Variants in HGF observed in about 807,000 individuals in gnomAD.
HGF encodes the protein hepatocyte growth factor, also known as fibroblast-derived tumor cytotoxic factor.
HGF carries 39 observed loss-of-function variants against 111.6 expected under a neutral mutation model. That is an observed-to-expected ratio of 0.35 (90% CI 0.27 to 0.46). The LOEUF (loss-of-function observed/expected upper bound fraction) is 0.46. Ranked by LOEUF, HGF falls within the 20% of genes least tolerant of loss-of-function variation. The pLI, the probability that HGF is intolerant of heterozygous loss-of-function variation, is 1.00. For missense variants in HGF, 735 were observed against 910.5 expected (o/e 0.81, Z 2.48); for synonymous variants, 285 against 294.8 (o/e 0.97, Z 0.34).
intron 4 of HGF, chr7:81,756,251 A>C: frequency 1.8e-6 from 1 of 554,788 alleles, no homozygotes; most frequent in Non-Finnish European, 3.2e-6. Flanking sequence ...ATGTAGGTAA[A>C]ATAGAACCAA....
intron 5 of HGF, among the ~76,000 whole-genome samples, chr7:81,748,428 A>T (rs370148118): frequency 2.1e-4 from 32 of 152,332 alleles, no homozygotes; most frequent in African/African-American, 7.7e-4. Context: ...CAAGTTAGTC[A>T]TAAGAATTAT....
chr7:81,710,109 A>C, intron 13 of HGF, 38 bp downstream of exon 13: 4 of 1,320,688 alleles, frequency 3.0e-6, no homozygotes, highest in Non-Finnish European at 4.4e-6. Flanking sequence ...TCTTGTACAT[A>C]TTCTGGATAT....
At chr7:81,712,801 A>C (rs185024930) in intron 11 of HGF, among the ~76,000 whole-genome samples, 1 of 152,346 alleles carries the variant, frequency 6.6e-6, no homozygotes, top group African/African-American at 2.4e-5. Flanking sequence ...AATAGATGCC[A>C]ATGTGATTGT....
At chr7:81,762,911 A>G (rs745592143) in intron 1 of HGF, 39 bp from the exon 2 acceptor site, 9 of 1,219,182 alleles carry the variant, frequency 7.4e-6, no homozygotes, top group Non-Finnish European at 1.1e-5. Context: ...TAAACATTGG[A>G]GAAATGTTTT....
chr7:81,724,069 A>G (rs1257975534), intron 9 of HGF, among the ~76,000 whole-genome samples: 2 of 152,188 alleles, frequency 1.3e-5, no homozygotes, highest in East Asian at 3.8e-4. Context: ...AGTGACGTAT[A>G]TGTATATAAA....
intron 15 of HGF, 107 bp from the exon 16 acceptor site, chr7:81,705,860 T>G: frequency 3.2e-6 from 2 of 621,510 alleles, no homozygotes; most frequent in African/African-American, 2.7e-5. Flanking sequence ...GAGAATGAAG[T>G]CCTGTTTCTT....
Position 81,708,051 on chromosome 7 carries a change from A to AT in HGF, c.1542-688dup, listed in dbSNP as rs1025825084. 5.3e-5 allele frequency among the ~76,000 whole-genome samples: 8 copies of AT among 151,720 alleles called. No homozygotes were observed. In the East Asian group the frequency reaches 7.7e-4, roughly 15 times the overall value. On this transcript the variant is annotated intron_variant, in intron 13 of 17. Transcript: ENST00000222390. ...GATGATATCCAAAATCTGTAAATCC[A>AT]TTTTTTTTGGCAGAGACATGGAAAA...
intron 7 of HGF, among the ~76,000 whole-genome samples, chr7:81,732,858 C>G (rs927018080): frequency 6.6e-6 from 1 of 152,066 alleles, no homozygotes; most frequent in South Asian, 2.1e-4. Context: ...ATTACCAAAA[C>G]CCCAAGTCAA....
intron 7 of HGF, among the ~76,000 whole-genome samples, chr7:81,741,658 G>T (rs1394618227): frequency 6.6e-6 from 1 of 151,416 alleles, no homozygotes; most frequent in East Asian, 1.9e-4. Flanking sequence ...ACCTAAACCG[G>T]CCAGGCCTGG....
chr7:81,769,875 G>A lies in HGF; in HGVS notation c.88+9C>T, dbSNP rs199638850. 8 of 1,552,328 alleles carry A rather than the reference G, an allele frequency of 5.2e-6. No individual in the cohort carries two copies. The East Asian group carries it at 1.7e-4, about 33-fold the overall frequency. On this transcript the variant is annotated intron_variant, in intron 1 of 17. Coordinates refer to ENST00000222390, the MANE Select transcript of HGF (RefSeq NM_000601.6). The stretch of plus-strand genomic sequence containing the variant: ...AATACTAATAATGAAGAAGAAGAAG[G>A]GAACTAACCTGCATAGGGGATGGCG...
At chr7:81,757,331 G>T (rs1240340579) in intron 3 of HGF, 28 bp from the exon 4 acceptor site, 1 of 1,179,470 alleles carries the variant, frequency 8.5e-7, no homozygotes, top group Non-Finnish European at 1.3e-6. Context: ...TAAAATTATT[G>T]CAACTATGCA....
At chr7:81,718,711 G>A (rs1032724130) in intron 10 of HGF, among the ~76,000 whole-genome samples, 5 of 152,098 alleles carry the variant, frequency 3.3e-5, no homozygotes, top group African/African-American at 1.2e-4. Context: ...TGTACGGTGA[G>A]GATGAAGATG....
intron 4 of HGF, among the ~76,000 whole-genome samples, chr7:81,753,062 G>A (rs1788583178): frequency 6.6e-6 from 1 of 152,078 alleles, no homozygotes; most frequent in Non-Finnish European, 1.5e-5. Context: ...CATTTTGACT[G>A]ACTGGAGCTT....
At chr7:81,750,162 G>A (rs952363568) in intron 5 of HGF, among the ~76,000 whole-genome samples, 1 of 151,976 alleles carries the variant, frequency 6.6e-6, no homozygotes, top group East Asian at 1.9e-4. Flanking sequence ...GATTTTATAA[G>A]TCACTCTTTT....
intron 7 of HGF, chr7:81,742,661 A>C (rs1039664985): frequency 1.6e-6 from 2 of 1,241,018 alleles, no homozygotes; most frequent in Non-Finnish European, 2.1e-6. Flanking sequence ...GAGAGGACCA[A>C]GTTCACAGAT....
rs1789315119 is a variant in HGF, at chr7:81,702,737, A to C, written c.2031T>G (p.Leu677=). ...TTCTCATTTTATGTTGCTCACAAACAAGTGGGCCACCATAATCCCCCTAGG... is the reference window on the plus strand; with the variant it reads ...TTCTCATTTTATGTTGCTCACAAACCAGTGGGCCACCATAATCCCCCTAGG... The part of the protein sequence containing the change: ...GPCEGDYGGP[L]VCEQHKMRMV... Residue 677 remains leucine (L), a synonymous_variant, in exon 18 of 18, where the codon CTT becomes CTG. Transcript: ENST00000222390. 3 of 1,611,528 alleles carry C rather than the reference A, an allele frequency of 1.9e-6. No individual in the cohort carries two copies. Among genetic ancestry groups the C allele is most frequent in the Non-Finnish European group, 2.5e-6 (3 of 1,178,240 alleles).
intron 4 of HGF, among the ~76,000 whole-genome samples, chr7:81,753,096 A>T (rs1788585043): frequency 6.6e-6 from 1 of 152,080 alleles, no homozygotes; most frequent in South Asian, 2.1e-4. Flanking sequence ...TTGGTTTATA[A>T]TAGTAAGCCA....
intron 1 of HGF, among the ~76,000 whole-genome samples, chr7:81,766,324 C>T (rs1789355227): frequency 6.6e-6 from 1 of 152,066 alleles, no homozygotes; most frequent in African/African-American, 2.4e-5. Context: ...GAAACCTATC[C>T]ACATGATTAG....
intron 4 of HGF, chr7:81,755,282 T>G (rs774147038): frequency 1.2e-4 from 18 of 152,156 alleles, no homozygotes; most frequent in Non-Finnish European, 2.5e-4. Flanking sequence ...CAGAAACATA[T>G]TTCTTTTTCT....
Sources: gnomAD v4.1 joint callset for allele counts (sites outside exome capture counted in the v4.1 genomes callset) on GRCh38, gnomAD v4.1.1 for gene constraint, MANE v1.5 for transcripts, NCBI Gene and HGNC (gene_info 2026-07-23, HGNC 2026-07-21) for gene names.